The following NKAIN2 variants were observed in gnomAD, a reference collection of about 807,000 sequenced individuals.
The protein encoded by NKAIN2 is sodium/potassium transporting ATPase interacting 2.
NKAIN2 carries 14 observed loss-of-function variants against 32.6 expected under a neutral mutation model. That is an observed-to-expected ratio of 0.43 (90% confidence interval 0.28 to 0.67). The LOEUF (loss-of-function observed/expected upper bound fraction) is 0.67. Ranked by LOEUF, NKAIN2 falls within the 30% of genes least tolerant of loss-of-function variation. The pLI, the probability that NKAIN2 is intolerant of heterozygous loss-of-function variation, is 0.17. For missense variants in NKAIN2, 198 were observed against 258.3 expected (o/e 0.77, Z 1.60); for synonymous variants, 80 against 87.2 (o/e 0.92, Z 0.46).
At chr6:124,013,767 C>T (rs908780492) in intron 1 of NKAIN2, among the ~76,000 whole-genome samples, 4 of 152,146 alleles carry the variant, frequency 2.6e-5, no homozygotes, top group Non-Finnish European at 4.4e-5. Flanking sequence ...TGCAGAAACT[C>T]TTTCCCAACT....
chr6:124,282,911 G>A (rs1273599474), intron 1 of NKAIN2, 94 bp from the exon 2 acceptor site: 11 of 1,045,144 alleles, frequency 1.1e-5, no homozygotes, highest in Admixed American at 1.9e-5. Flanking sequence ...AGTTATAAGT[G>A]CTAATTATGT....
intron 1 of NKAIN2, among the ~76,000 whole-genome samples, chr6:124,216,741 C>G (rs913262250): frequency 8.6e-5 from 13 of 152,010 alleles, no homozygotes; most frequent in African/African-American, 2.9e-4. Flanking sequence ...GTTAATAATT[C>G]AATAATCTAT....
intron 2 of NKAIN2, among the ~76,000 whole-genome samples, chr6:124,289,841 T>C (rs186808523): frequency 1.3e-5 from 2 of 152,310 alleles, no homozygotes; most frequent in East Asian, 3.9e-4. Context: ...TTGCCACCTT[T>C]ATTCAATTTT....
At chr6:124,234,068 CA>C (rs1446729517) in intron 1 of NKAIN2, among the ~76,000 whole-genome samples, 13 of 152,224 alleles carry the variant, frequency 8.5e-5, no homozygotes, top group African/African-American at 3.1e-4. Context: ...AGACATTTAT[CA>C]AGGCACCCCA....
intron 2 of NKAIN2, among the ~76,000 whole-genome samples, chr6:124,321,562 A>G (rs902077741): frequency 6.6e-6 from 1 of 152,196 alleles, no homozygotes; most frequent in Non-Finnish European, 1.5e-5. Context: ...TATTCCTAGT[A>G]TCATAATTTT....
intron 3 of NKAIN2, among the ~76,000 whole-genome samples, chr6:124,429,971 G>A (rs951185687): frequency 1.3e-5 from 2 of 151,792 alleles, no homozygotes; most frequent in African/African-American, 2.4e-5. Context: ...TTAAATTTAG[G>A]TAGATGAAAT....
intron 1 of NKAIN2, among the ~76,000 whole-genome samples, chr6:124,057,748 C>T (rs950641505): frequency 6.6e-6 from 1 of 151,680 alleles, no homozygotes; most frequent in Non-Finnish European, 1.5e-5. Flanking sequence ...TGCTCAAAGT[C>T]CCCAATTTAA....
At chr6:124,094,873 CT>C (rs147999823) in intron 1 of NKAIN2, among the ~76,000 whole-genome samples, 2,928 of 152,164 alleles carry the variant, frequency 0.019, 76 homozygotes, top group African/African-American at 0.067. Flanking sequence ...TGACCAATAT[CT>C]TTATTATGTG....
chr6:123,967,996 G>A (rs1001515989), intron 1 of NKAIN2, among the ~76,000 whole-genome samples: 4 of 152,276 alleles, frequency 2.6e-5, no homozygotes, highest in African/African-American at 9.6e-5. Context: ...AAAATGATGA[G>A]TTCTGGATGC....
chr6:124,736,523 A>C (rs1424421857), intron 4 of NKAIN2, among the ~76,000 whole-genome samples: 1 of 151,952 alleles, frequency 6.6e-6, no homozygotes, highest in Non-Finnish European at 1.5e-5. Context: ...CAAAACTTCA[A>C]ATGATAGGCT....
chr6:124,375,665 A>G (rs1454958660), intron 3 of NKAIN2, among the ~76,000 whole-genome samples: 1 of 151,984 alleles, frequency 6.6e-6, no homozygotes, highest in Non-Finnish European at 1.5e-5. Flanking sequence ...GATAAAAATC[A>G]GAAAAGGTGC....
chr6:124,019,709 G>A (rs1334172857), intron 1 of NKAIN2, among the ~76,000 whole-genome samples: 1 of 152,004 alleles, frequency 6.6e-6, no homozygotes. Flanking sequence ...AGAGGGAACT[G>A]TGCATCTCAA....
chr6:124,636,286 CT>C (rs1685723793), intron 3 of NKAIN2, among the ~76,000 whole-genome samples: 1 of 151,562 alleles, frequency 6.6e-6, no homozygotes, highest in Admixed American at 6.6e-5. Flanking sequence ...AAACGCAATA[CT>C]AAGTAGAAAG....
intron 1 of NKAIN2, among the ~76,000 whole-genome samples, chr6:123,954,670 G>T (rs185781214): frequency 6.6e-6 from 1 of 152,320 alleles, no homozygotes; most frequent in Admixed American, 6.5e-5. Flanking sequence ...AAGGCATAAA[G>T]AGTAACTTTA....
At chr6:124,748,460 G>T (rs1777555516) in intron 4 of NKAIN2, among the ~76,000 whole-genome samples, 1 of 151,920 alleles carries the variant, frequency 6.6e-6, no homozygotes, top group South Asian at 2.1e-4. Flanking sequence ...GATTCCAAGG[G>T]TACAGATGCT....
chr6:124,608,938 A>C (rs1244098844), intron 3 of NKAIN2, among the ~76,000 whole-genome samples: 1 of 152,164 alleles, frequency 6.6e-6, no homozygotes, highest in Non-Finnish European at 1.5e-5. Flanking sequence ...TGTATCCATG[A>C]AGGTTTGTCA....
intron 3 of NKAIN2, among the ~76,000 whole-genome samples, chr6:124,580,027 A>G (rs1336312663): frequency 6.6e-6 from 1 of 152,230 alleles, no homozygotes; most frequent in Non-Finnish European, 1.5e-5. Context: ...AGACCTTCCT[A>G]GACAAACAAA....
intron 4 of NKAIN2, among the ~76,000 whole-genome samples, chr6:124,780,299 T>C (rs969518811): frequency 3.3e-5 from 5 of 152,290 alleles, no homozygotes; most frequent in African/African-American, 1.2e-4. Flanking sequence ...AGAATTAATA[T>C]GCAAAAATGA....
At chr6:124,531,295 CTT>C (rs200535781) in intron 3 of NKAIN2, among the ~76,000 whole-genome samples, 2 of 151,570 alleles carry the variant, frequency 1.3e-5, no homozygotes, top group Non-Finnish European at 2.9e-5. Flanking sequence ...TCAAAACAGA[CTT>C]TTTTTTTGGT....
Sources: gnomAD v4.1 joint callset for allele counts (sites outside exome capture counted in the v4.1 genomes callset) on GRCh38, gnomAD v4.1.1 for gene constraint, MANE v1.5 for transcripts, NCBI Gene and HGNC (gene_info 2026-07-23, HGNC 2026-07-21) for gene names.